KCNG1: variants seen among roughly 807,000 people sequenced by gnomAD.
KCNG1 encodes the protein voltage-gated potassium channel regulatory subunit KCNG1.
KCNG1 carries 17 observed loss-of-function variants against 32.4 expected under a neutral mutation model. The observed-to-expected ratio is 0.52, with a 90% confidence interval of 0.36 to 0.79. KCNG1 has a LOEUF of 0.79. KCNG1 is among the 30% of genes least tolerant of loss of function. KCNG1 has a pLI of 0.00. For missense variants in KCNG1, 441 were observed against 735.2 expected, an observed-to-expected ratio of 0.60 and a Z score of 4.63; for synonymous variants, 358 against 339.9, an observed-to-expected ratio of 1.05 and a Z score of -0.59.
At chr20:51,020,760 C>CTGCG (rs1262391043) in intron 1 of KCNG1, among the ~76,000 whole-genome samples, 1 of 152,176 alleles carries the variant, frequency 6.6e-6, no homozygotes, top group African/African-American at 2.4e-5. Flanking sequence ...AAGGTACCTA[C>CTGCG]TGCGGCTCCA....
At chr20:51,020,162 T>C (rs867344238) in intron 1 of KCNG1, among the ~76,000 whole-genome samples, 1 of 152,342 alleles carries the variant, frequency 6.6e-6, no homozygotes, top group Admixed American at 6.5e-5. Flanking sequence ...GCCTCCCTGC[T>C]GTGCTGCAGG....
chr20:51,008,356 A>G (rs749070725), intron 2 of KCNG1, among the ~76,000 whole-genome samples: 2 of 152,098 alleles, frequency 1.3e-5, no homozygotes, highest in Non-Finnish European at 2.9e-5. Context: ...TTAGAGATGG[A>G]GTCTCACTCT....
intron 1 of KCNG1, among the ~76,000 whole-genome samples, chr20:51,017,760 G>A (rs1988332179): frequency 6.6e-6 from 1 of 152,112 alleles, no homozygotes; most frequent in Admixed American, 6.5e-5. Flanking sequence ...GTTCTCCCAG[G>A]GGCTGGAGGC....
intron 1 of KCNG1, among the ~76,000 whole-genome samples, chr20:51,012,071 G>C (rs1206978669): frequency 2.6e-5 from 4 of 152,230 alleles, no homozygotes; most frequent in African/African-American, 9.6e-5. Flanking sequence ...GGGATTACAG[G>C]TGTGAGCTAC....
intron 1 of KCNG1, among the ~76,000 whole-genome samples, chr20:51,013,146 A>G (rs1009650329): frequency 9.9e-5 from 15 of 152,110 alleles, no homozygotes; most frequent in Admixed American, 5.2e-4. Flanking sequence ...TACTAAAAAT[A>G]CAAAAATTGG....
At chr20:51,022,411 A>T (rs1394434829) in intron 1 of KCNG1, among the ~76,000 whole-genome samples, 1 of 152,146 alleles carries the variant, frequency 6.6e-6, no homozygotes. Flanking sequence ...GTTCATAATG[A>T]ATGACTCAAT....
At chr20:51,010,998 T>C (rs1183146245) in intron 1 of KCNG1, among the ~76,000 whole-genome samples, 5 of 151,946 alleles carry the variant, frequency 3.3e-5, no homozygotes, top group African/African-American at 1.2e-4. Flanking sequence ...GGGAGGCATC[T>C]AAGTGTGAAA....
intron 1 of KCNG1, among the ~76,000 whole-genome samples, chr20:51,018,204 TC>T (rs1248578927): frequency 2.0e-5 from 3 of 152,130 alleles, no homozygotes; most frequent in Non-Finnish European, 4.4e-5. Flanking sequence ...TGGCTAGTCG[TC>T]CCTGCTGCTC....
chr20:51,004,917 C>T lies in KCNG1; in HGVS notation c.775-111G>A, dbSNP rs540207614. On this transcript the variant is annotated intron_variant, in intron 2 of 2. Transcript: ENST00000371571. This position sits in a 1 kb window ranked among gnomAD's most constrained non-coding sequence, Gnocchi z 4.3. ...CTTCCCAGGCGGAAGGTGACCTCTC[C>T]AGGTTGAGTGGCCCCGGGTCCTCTC... 94 of 1,165,894 alleles carry T rather than the reference C, an allele frequency of 8.1e-5. 1 individual carries two copies. The South Asian group carries it at 1.5e-3, about 18-fold the overall frequency. The allele number at this position is 1,165,894 out of a possible 1,614,324, so 72.2% of individuals were successfully genotyped here.
At position 51,004,144 on chromosome 20, in the gene KCNG1, G is replaced by A. The variant is rs1987724171; in HGVS notation, c.1437C>T (p.Phe479=). 1.2e-6 allele frequency: 2 copies of A among 1,614,196 alleles called. No individual in the cohort carries two copies. Among genetic ancestry groups the A allele is most frequent in the African/African-American group, 2.7e-5 (2 of 75,056 alleles). The change falls in exon 3 of 3, where the codon TTC becomes TTT. Residue 479 remains phenylalanine (F), a synonymous_variant. Coordinates refer to ENST00000371571, the MANE Select transcript of KCNG1 (RefSeq NM_002237.4). This position sits in a 1 kb window ranked among gnomAD's most constrained non-coding sequence, Gnocchi z 4.3. ...TTTTGATGAGGAACTGCGCCCTCCG[G>A]AACATCACCCTCTCTTGCTCCTGCT... ...ELKQEQERVM[F]RRAQFLIKTK...
chr20:51,005,489 G>A lies in KCNG1; in HGVS notation c.775-683C>T, dbSNP rs1987794348. On this transcript the variant is annotated intron_variant, in intron 2 of 2. Coordinates refer to ENST00000371571, the MANE Select transcript of KCNG1 (RefSeq NM_002237.4). The surrounding 1 kb of genome is among the most constrained non-coding windows in gnomAD (Gnocchi z 4.0). ...CCCATCACTGCCCCGGGCAAATTTA[G>A]GCTGAGGCTGCCTCACCGAAGCTTT... is the stretch of plus-strand genomic sequence containing the variant. The A allele has an allele frequency of 6.6e-6, 1 of 152,284 alleles. No homozygotes were observed. 9.4% of individuals were successfully genotyped at this position (152,284 alleles called of 1,614,324 possible).
Position 51,005,067 on chromosome 20 carries a change from A to G in KCNG1, c.775-261T>C, listed in dbSNP as rs1987775611. On this transcript the variant is annotated intron_variant, in intron 2 of 2. Coordinates refer to ENST00000371571, the MANE Select transcript of KCNG1 (RefSeq NM_002237.4). This position sits in a 1 kb window ranked among gnomAD's most constrained non-coding sequence, Gnocchi z 4.0. ...AGACCCCCAACAGGCTGCCTCCCTGACGCTCCCACCTGGGTGTCTGAGGGG... is the reference window on the plus strand; with the variant it reads ...AGACCCCCAACAGGCTGCCTCCCTGGCGCTCCCACCTGGGTGTCTGAGGGG... 7.9e-6 allele frequency: 3 copies of G among 379,198 alleles called. No individual in the cohort carries two copies. The highest frequency in any genetic ancestry group is 1.4e-5 in the Non-Finnish European group (3 of 213,546). 23.5% of individuals were successfully genotyped at this position (379,198 alleles called of 1,614,324 possible). A position where few individuals can be genotyped will look rare whatever the true frequency, so the allele number is the denominator to read the frequency against.
chr20:51,004,488 T>G lies in KCNG1; in HGVS notation c.1093A>C (p.Thr365Pro). Residue 365 changes from threonine (T) to proline (P), a missense_variant, in exon 3 of 3, where the codon ACG (threonine) becomes CCG (proline). By Grantham distance (38) the Thr-to-Pro change is conservative. Around this residue, in one of 6 missense-constraint regions of KCNG1, gnomAD observed 169 missense variants for 297.7 expected, o/e 0.57. Transcript: ENST00000371571. The surrounding 1 kb of genome is among the most constrained non-coding windows in gnomAD (Gnocchi z 4.3). ...RLARHSLGLQ[T>P]LGLTARRCTR... is the part of the protein sequence containing the mutation. ...CAGCGGCGGGCCGTGAGCCCCAGCGTCTGCAGCCCCAGGGAGTGGCGCGCC... is the reference window on the plus strand; with the variant it reads ...CAGCGGCGGGCCGTGAGCCCCAGCGGCTGCAGCCCCAGGGAGTGGCGCGCC... 2 of 1,597,148 alleles carry G rather than the reference T, an allele frequency of 1.3e-6. No individual in the cohort carries two copies. The highest frequency in any genetic ancestry group is 1.7e-6 in the Non-Finnish European group (2 of 1,172,486).
chr20:51,011,560 G>T (rs1467132151), intron 1 of KCNG1, among the ~76,000 whole-genome samples: 1 of 152,134 alleles, frequency 6.6e-6, no homozygotes, highest in Non-Finnish European at 1.5e-5. Flanking sequence ...CACTTGTCTG[G>T]TCCCAAGTGT....
chr20:51,016,203 A>G (rs2093095), intron 1 of KCNG1, among the ~76,000 whole-genome samples: 83,762 of 152,028 alleles, frequency 0.55, 25,407 homozygotes, highest in African/African-American at 0.83. Context: ...TTGGGAGGCC[A>G]AGGCGGGTGG....
chr20:51,022,776 AC>A (rs1210244595), intron 1 of KCNG1, 93 bp downstream of exon 1: 2 of 152,242 alleles, frequency 1.3e-5, no homozygotes, highest in Non-Finnish European at 2.9e-5. Flanking sequence ...GGCCACGGCC[AC>A]GTGCAGCCGC....
rs769129100 is a variant in KCNG1, at chr20:51,004,178, AG to A, written c.1402del (p.Leu468TrpfsTer10). The part of the protein sequence containing the change: ...SIFHTFSRSY[L>X]ELKQEQERVM... ...CCTCTCTTGCTCCTGCTTGAGCTCC[AG>A]GTAGGAGCGGGAGAAGGTGTGGAAG... On this transcript the variant is annotated frameshift_variant, in exon 3 of 3. Coordinates refer to ENST00000371571, the MANE Select transcript of KCNG1 (RefSeq NM_002237.4). LOFTEE classifies it high-confidence loss of function. This position sits in a 1 kb window ranked among gnomAD's most constrained non-coding sequence, Gnocchi z 4.3. The A allele has an allele frequency of 1.2e-6, 2 of 1,614,008 alleles. No individual in the cohort carries two copies. The highest frequency in any genetic ancestry group is 2.7e-5 in the African/African-American group (2 of 74,914).
chr20:51,004,540 C>G lies in KCNG1; in HGVS notation c.1041G>C (p.Ala347=), dbSNP rs1437711275. The G allele has an allele frequency of 1.7e-5, 27 of 1,587,338 alleles. No homozygotes were observed. Among genetic ancestry groups the G allele is most frequent in the Non-Finnish European group, 2.3e-5 (27 of 1,167,808 alleles). ...KVGLVLRVLR[A]LRILYVMRLA... is the part of the protein sequence containing the mutation. ...GGCGCATCACGTACAGGATGCGCAGCGCCCGCAGCACGCGCAGCACCAGCC... is the reference window on the plus strand; with the variant it reads ...GGCGCATCACGTACAGGATGCGCAGGGCCCGCAGCACGCGCAGCACCAGCC... The change falls in exon 3 of 3, where the codon GCG becomes GCC. Residue 347 remains alanine (A), a synonymous_variant. Coordinates refer to ENST00000371571, the MANE Select transcript of KCNG1 (RefSeq NM_002237.4). The surrounding 1 kb of genome is among the most constrained non-coding windows in gnomAD (Gnocchi z 4.3).
intron 1 of KCNG1, among the ~76,000 whole-genome samples, chr20:51,019,765 G>A (rs1281232650): frequency 1.3e-5 from 2 of 152,144 alleles, no homozygotes; most frequent in Non-Finnish European, 2.9e-5. Flanking sequence ...AGGCCCTGCA[G>A]CGTTTCACTG....
Sources: gnomAD v4.1 joint callset for allele counts (sites outside exome capture counted in the v4.1 genomes callset) on GRCh38, gnomAD v4.1.1 for gene constraint, gnomAD v4.1.1 regional missense constraint, Gnocchi (gnomAD v3.1) non-coding constraint, MANE v1.5 for transcripts, NCBI Gene and HGNC (gene_info 2026-07-23, HGNC 2026-07-21) for gene names.